WNK3: variants seen among roughly 807,000 people sequenced by gnomAD.
The protein encoded by WNK3 is WNK lysine deficient protein kinase 3.
WNK3 carries 18 observed loss-of-function variants against 116.7 expected under a neutral mutation model. The observed-to-expected ratio is 0.15, with a 90% confidence interval of 0.11 to 0.23. The LOEUF is 0.23. Ranked by LOEUF, WNK3 falls within the 10% of genes least tolerant of loss-of-function variation. The pLI is 1.00. For missense variants in WNK3, 993 were observed against 1,323.8 expected, an observed-to-expected ratio of 0.75 and a Z score of 3.88; for synonymous variants, 404 against 469.4, an observed-to-expected ratio of 0.86 and a Z score of 1.80.
intron 5 of WNK3, among the ~76,000 whole-genome samples, chrX:54,302,757 A>ATATAT (rs1557167848): frequency 2.7e-3 from 116 of 43,379 alleles, no homozygotes; most frequent in African/African-American, 3.1e-3. Context: ...ATATATATAT[A>ATATAT]TTTTTTTTTT....
Position 54,202,419 on chromosome X carries a change from G to A in WNK3, c.4871-226C>T, listed in dbSNP as rs182948156. On this transcript the variant is annotated intron_variant, in intron 22 of 23. Transcript: ENST00000354646. ...CTCAAAAGTTTCCTCTTGGCTGGGC[G>A]CAGTGGCTCACACCTGTAATCTCAA... Among the ~76,000 whole-genome samples, 18 of 111,028 alleles carry A rather than the reference G, an allele frequency of 1.6e-4. No homozygotes were observed. In the East Asian group the frequency reaches 2.5e-3, roughly 16 times the overall value.
In WNK3 at chrX:54,326,762, A is replaced by C. The variant is rs182120495; in HGVS notation, c.537+6375T>G. On this transcript the variant is annotated intron_variant, in intron 2 of 23. Coordinates refer to ENST00000354646, the Ensembl canonical transcript of WNK3. ...TACTTTGGGAGACTGAGGCAGGCAG[A>C]TCACTTGAGGTCAGGAGATCGAGAC... Among the ~76,000 whole-genome samples the C allele has an allele frequency of 3.8e-3, 422 of 111,564 alleles. 4 individuals carry two copies. Among genetic ancestry groups the C allele is most frequent in the African/African-American group, 0.013 (411 of 30,815 alleles).
At chrX:54,348,664 A>C (rs1358273609) in intron 1 of WNK3, among the ~76,000 whole-genome samples, 1 of 111,890 alleles carries the variant, frequency 8.9e-6, no homozygotes, top group Non-Finnish European at 1.9e-5. Flanking sequence ...TCTTGACAAC[A>C]AAGAGTGTTA....
chrX:54,236,702 G>A (rs1362020681), intron 20 of WNK3, among the ~76,000 whole-genome samples: 2 of 111,785 alleles, frequency 1.8e-5, no homozygotes, highest in Admixed American at 9.6e-5. Flanking sequence ...GATTGTAAAG[G>A]TTAGCAAAAA....
chrX:54,344,845 G>A (rs1432267894), intron 1 of WNK3, among the ~76,000 whole-genome samples: 1 of 108,211 alleles, frequency 9.2e-6, no homozygotes, highest in Non-Finnish European at 1.9e-5. Flanking sequence ...TCGTGAGGCT[G>A]AGGTGGGAGA....
chrX:54,253,681 T>TA (rs1309911152), intron 13 of WNK3, among the ~76,000 whole-genome samples: 1 of 112,345 alleles, frequency 8.9e-6, no homozygotes, highest in Non-Finnish European at 1.9e-5. Context: ...CAATTGTTTT[T>TA]AAAAAGCTTG....
chrX:54,266,982 A>C (rs1167021165), intron 10 of WNK3, among the ~76,000 whole-genome samples: 3 of 110,821 alleles, frequency 2.7e-5, no homozygotes, highest in Non-Finnish European at 5.7e-5. Context: ...TATGAGTGAG[A>C]ACATGCAGTG....
At chrX:54,223,274 T>G (rs782729929) in intron 22 of WNK3, 1 of 111,099 alleles carries the variant, frequency 9.0e-6, no homozygotes, top group African/African-American at 3.3e-5. Context: ...AAAAGAAAGC[T>G]GGATTGGTTG....
exon 24 of WNK3, chrX:54,196,173 T>C (rs2067440777): frequency 9.0e-6 from 1 of 111,337 alleles, no homozygotes; most frequent in Non-Finnish European, 1.9e-5. Flanking sequence ...AGCATTTGCA[T>C]TACACTAATG....
rs1029433780 is a variant in WNK3, at chrX:54,306,957, C to T, written c.1089+965G>A. Among the ~76,000 whole-genome samples, 4 of 109,899 alleles carry T rather than the reference C, an allele frequency of 3.6e-5. No individual in the cohort carries two copies. In the South Asian group the frequency reaches 1.2e-3, roughly 33 times the overall value. ...AAATGATATTAATTTTGGCCAGGCG[C>T]GGTGGCTCACACCTGTAATCCCAGC... On this transcript the variant is annotated intron_variant, in intron 5 of 23. Transcript: ENST00000354646.
At chrX:54,270,604 T>C (rs1440423737) in intron 10 of WNK3, among the ~76,000 whole-genome samples, 1 of 108,497 alleles carries the variant, frequency 9.2e-6, no homozygotes, top group East Asian at 2.9e-4. Flanking sequence ...CTGGGATACA[T>C]GTACAGAACG....
rs781812016 is a variant in WNK3 at position 54,229,810 on chromosome X, T to C, written c.4841-1067A>G. On this transcript the variant is annotated intron_variant, in intron 21 of 23. Coordinates refer to ENST00000354646, the Ensembl canonical transcript of WNK3. The stretch of plus-strand genomic sequence containing the variant: ...TCTTCCACAAATGGTAATGTAATAA[T>C]TGAATATCAATATGCAAAAAAGAAC... Among the ~76,000 whole-genome samples, 4 of 111,117 alleles carry C rather than the reference T, an allele frequency of 3.6e-5. No individual in the cohort carries two copies. The South Asian group carries it at 1.5e-3, about 42-fold the overall frequency.
rs782774090 is a variant in WNK3, at chrX:54,224,759, T to C, written c.4870+3955A>G. On this transcript the variant is annotated intron_variant, in intron 22 of 23. Coordinates refer to ENST00000354646, the Ensembl canonical transcript of WNK3. The stretch of plus-strand genomic sequence containing the variant: ...TAATTTTTTGTATTTTTAGTATAGA[T>C]GGGGTTTCACCATGTTAGCCAGGAG... 5.5e-5 allele frequency among the ~76,000 whole-genome samples: 6 copies of C among 110,079 alleles called. No individual in the cohort carries two copies. In the South Asian group the frequency reaches 1.6e-3, roughly 30 times the overall value.
At chrX:54,280,428 A>ATGCC (rs1557162097) in intron 10 of WNK3, among the ~76,000 whole-genome samples, 24 of 112,349 alleles carry the variant, frequency 2.1e-4, no homozygotes, top group Admixed American at 6.7e-4. Context: ...ATTTAGCAAA[A>ATGCC]TTACAGGATA....
chrX:54,340,345 C>T lies in WNK3; in HGVS notation c.-119-6553G>A, dbSNP rs189039665. On this transcript the variant is annotated intron_variant, in intron 1 of 23. Transcript: ENST00000354646. The stretch of plus-strand genomic sequence containing the variant: ...TCAATAATGGCCGGGTGCATTGGCT[C>T]ACACCTGTAATCCCAGCACTCTGGG... 6.7e-3 allele frequency among the ~76,000 whole-genome samples: 740 copies of T among 110,795 alleles called. 3 individuals are homozygous for T. The highest frequency in any genetic ancestry group is 0.023 in the African/African-American group (691 of 30,493).
At chrX:54,276,318 G>C (rs2068446556) in intron 10 of WNK3, among the ~76,000 whole-genome samples, 1 of 110,297 alleles carries the variant, frequency 9.1e-6, no homozygotes, top group Admixed American at 9.7e-5. Flanking sequence ...CTAGGTGACA[G>C]AGCGAGACTC....
chrX:54,353,018 G>C, intron 1 of WNK3, among the ~76,000 whole-genome samples: 1 of 112,097 alleles, frequency 8.9e-6, no homozygotes, highest in Non-Finnish European at 1.9e-5. Flanking sequence ...ATGCAGAATA[G>C]ACAAACATTA....
intron 10 of WNK3, among the ~76,000 whole-genome samples, chrX:54,289,777 G>A (rs1346418559): frequency 2.7e-5 from 3 of 111,283 alleles, no homozygotes; most frequent in African/African-American, 9.8e-5. Context: ...AGCATTCTGT[G>A]CACTGCTCAC....
At chrX:54,298,517 T>A in intron 6 of WNK3, 123 bp from the exon 7 acceptor site, 1 of 515,172 alleles carries the variant, frequency 1.9e-6, no homozygotes, top group Non-Finnish European at 3.0e-6. Context: ...ATTTAATCAT[T>A]AATCTGCCTT....
Sources: allele counts gnomAD v4.1 joint callset (sites outside exome capture counted in the v4.1 genomes callset), GRCh38; gene constraint gnomAD v4.1.1; transcripts MANE v1.5; gene names NCBI Gene and HGNC (gene_info 2026-07-23, HGNC 2026-07-21).